LRP1B: variants seen among roughly 807,000 people sequenced by gnomAD.
LRP1B encodes LDL receptor related protein 1B, also known as low-density lipoprotein receptor-related protein 1B.
A neutral mutation model predicts 556.6 loss-of-function variants in LRP1B; 217 were observed. That is an observed-to-expected ratio of 0.39 (90% CI 0.35 to 0.44). The LOEUF (loss-of-function observed/expected upper bound fraction) is 0.44. LRP1B is among the 20% of genes least tolerant of loss of function. The pLI is 1.00. For synonymous variants in LRP1B, 2,047 were observed against 1,865.8 expected, an observed-to-expected ratio of 1.10 and a Z score of -2.50; for missense variants, 5,053 against 5,620.8, an observed-to-expected ratio of 0.90 and a Z score of 3.23.
At chr2:141,357,630 T>C (rs1174729070) in intron 3 of LRP1B, among the ~76,000 whole-genome samples, 1 of 152,172 alleles carries the variant, frequency 6.6e-6, no homozygotes, top group Non-Finnish European at 1.5e-5. Context: ...TTGGGTTTAA[T>C]AGATATTAAC....
At chr2:141,483,448 C>T (rs1185930334) in intron 2 of LRP1B, among the ~76,000 whole-genome samples, 5 of 112,258 alleles carry the variant, frequency 4.5e-5, no homozygotes, top group Non-Finnish European at 8.1e-5. Context: ...TTTGTAGCAG[C>T]ATGATTTATA....
intron 18 of LRP1B, among the ~76,000 whole-genome samples, chr2:140,954,195 C>T (rs868275084): frequency 6.6e-6 from 1 of 152,134 alleles, no homozygotes; most frequent in Non-Finnish European, 1.5e-5. Context: ...TTTCAAGAAT[C>T]AGCACGAACG....
intron 18 of LRP1B, among the ~76,000 whole-genome samples, chr2:140,976,720 A>T (rs897490824): frequency 1.3e-5 from 2 of 151,830 alleles, no homozygotes; most frequent in African/African-American, 4.8e-5. Flanking sequence ...CATGTTTGCC[A>T]GGTTGGTCTC....
chr2:141,379,937 T>C (rs1490137271), intron 3 of LRP1B, among the ~76,000 whole-genome samples: 5 of 152,076 alleles, frequency 3.3e-5, no homozygotes, highest in East Asian at 3.9e-4. Context: ...CTAAAATGGG[T>C]GGGTGAGCAT....
chr2:141,123,058 T>C (rs1213461627), intron 7 of LRP1B, among the ~76,000 whole-genome samples: 1 of 151,810 alleles, frequency 6.6e-6, no homozygotes, highest in African/African-American at 2.4e-5. Flanking sequence ...GTGAGAACAC[T>C]TGGACACAGG....
At chr2:140,459,052 G>T (rs1299690725) in intron 60 of LRP1B, among the ~76,000 whole-genome samples, 1 of 152,030 alleles carries the variant, frequency 6.6e-6, no homozygotes, top group Non-Finnish European at 1.5e-5. Context: ...GTACACTTTA[G>T]ATGTTTTGAA....
At chr2:140,897,279 A>G (rs1429305466) in intron 23 of LRP1B, among the ~76,000 whole-genome samples, 1 of 152,146 alleles carries the variant, frequency 6.6e-6, no homozygotes, top group Non-Finnish European at 1.5e-5. Context: ...AAGCTACCTC[A>G]GAAGCAAAGT....
intron 32 of LRP1B, among the ~76,000 whole-genome samples, chr2:140,794,342 A>T (rs1302159503): frequency 6.6e-6 from 1 of 152,170 alleles, no homozygotes; most frequent in East Asian, 1.9e-4. Context: ...AGTATTCTTC[A>T]ACTTTCACTA....
chr2:140,243,135 C>G (rs572153440), intron 87 of LRP1B, among the ~76,000 whole-genome samples: 6 of 150,886 alleles, frequency 4.0e-5, no homozygotes, highest in African/African-American at 7.3e-5. Flanking sequence ...AGCTTGAGAT[C>G]CCTGTGGAAT....
chr2:141,408,786 G>A (rs144883007), intron 3 of LRP1B, among the ~76,000 whole-genome samples: 5 of 151,618 alleles, frequency 3.3e-5, no homozygotes, highest in Non-Finnish European at 7.4e-5. Context: ...TCTCTTTCAC[G>A]TTGTCATTTT....
rs145792539 is a variant in LRP1B, at chr2:140,490,702, A to G, written c.9120+1906T>C. ...TCTATAACACTGTGATGAAACTGTG[A>G]GTAAAAATATGTTCCCTGAAAGAAA... On this transcript the variant is annotated intron_variant, in intron 57 of 90. Transcript: ENST00000389484. Among the ~76,000 whole-genome samples the G allele has an allele frequency of 4.4e-3, 667 of 152,284 alleles. 6 individuals carry two copies. The highest frequency in any genetic ancestry group is 0.016 in the African/African-American group (649 of 41,572).
intron 32 of LRP1B, among the ~76,000 whole-genome samples, chr2:140,796,503 T>A (rs1428334427): frequency 6.6e-6 from 1 of 152,110 alleles, no homozygotes; most frequent in African/African-American, 2.4e-5. Flanking sequence ...CAATTACTTT[T>A]CATTAATGGT....
At chr2:141,527,601 A>G (rs1684732287) in intron 2 of LRP1B, among the ~76,000 whole-genome samples, 1 of 152,110 alleles carries the variant, frequency 6.6e-6, no homozygotes, top group African/African-American at 2.4e-5. Flanking sequence ...ATTATTGAAG[A>G]CCTACATTCT....
At chr2:140,407,072 A>C (rs1316790445) in intron 66 of LRP1B, among the ~76,000 whole-genome samples, 1 of 152,096 alleles carries the variant, frequency 6.6e-6, no homozygotes, top group Non-Finnish European at 1.5e-5. Context: ...GAGAGAGTAT[A>C]CAGAAACATA....
At chr2:141,336,104 C>T (rs566816474) in intron 3 of LRP1B, among the ~76,000 whole-genome samples, 2 of 109,672 alleles carry the variant, frequency 1.8e-5, no homozygotes, top group African/African-American at 7.3e-5. Flanking sequence ...TGAAATATCC[C>T]AGACCTGTCC....
chr2:141,197,529 A>G (rs1238164393), intron 6 of LRP1B, among the ~76,000 whole-genome samples: 2 of 152,130 alleles, frequency 1.3e-5, no homozygotes, highest in African/African-American at 4.8e-5. Flanking sequence ...TTCAAAAAAG[A>G]ACATATATGA....
chr2:140,247,199 GA>G (rs1558923555), intron 86 of LRP1B, 37 bp from the exon 87 acceptor site: 2 of 1,440,560 alleles, frequency 1.4e-6, no homozygotes, highest in Non-Finnish European at 2.0e-6. Flanking sequence ...ACAGATCAGC[GA>G]ATAACAAAGC....
intron 86 of LRP1B, among the ~76,000 whole-genome samples, chr2:140,252,763 C>T (rs200744178): frequency 1.4e-4 from 21 of 151,976 alleles, no homozygotes; most frequent in East Asian, 1.4e-3. Context: ...TCCCTGTCTG[C>T]GACAGTGAGG....
chr2:141,435,768 C>T (rs1171430393), intron 3 of LRP1B, among the ~76,000 whole-genome samples: 1 of 152,182 alleles, frequency 6.6e-6, no homozygotes, highest in Non-Finnish European at 1.5e-5. Context: ...ATTCTTGGCA[C>T]ACTGTGCCTG....
Sources: allele counts gnomAD v4.1 joint callset (sites outside exome capture counted in the v4.1 genomes callset), GRCh38; gene constraint gnomAD v4.1.1; transcripts MANE v1.5; gene names NCBI Gene and HGNC (gene_info 2026-07-23, HGNC 2026-07-21).